The following RBL2 variants were observed in gnomAD, a reference collection of about 807,000 sequenced individuals.
RBL2 encodes retinoblastoma-like protein 2.
In RBL2, 56 loss-of-function variants were observed where a neutral mutation model predicts 126.0. That is an observed-to-expected ratio of 0.44 (90% confidence interval 0.36 to 0.56). The LOEUF (loss-of-function observed/expected upper bound fraction) is 0.56, where lower values mean the gene tolerates loss of function less well. RBL2 is among the 20% of genes least tolerant of loss of function. RBL2 has a pLI of 0.00. For synonymous variants in RBL2, 454 were observed against 478.5 expected, an observed-to-expected ratio of 0.95 and a Z score of 0.67; for missense variants, 1,229 against 1,398.2, an observed-to-expected ratio of 0.88 and a Z score of 1.93.
At chr16:53,448,725 C>G (rs991980398) in intron 4 of RBL2, 3 of 152,508 alleles carry the variant, frequency 2.0e-5, no homozygotes, top group African/African-American at 7.2e-5. Flanking sequence ...CTCAAGTGAT[C>G]TGCCACCTCG....
chr16:53,477,948 G>T (rs1334771672), intron 17 of RBL2, among the ~76,000 whole-genome samples: 2 of 152,094 alleles, frequency 1.3e-5, no homozygotes, highest in Non-Finnish European at 2.9e-5. Context: ...TTGGCTTCTA[G>T]AATTTTGTGT....
Position 53,470,417 on chromosome 16 carries a change from C to T in RBL2, c.2280C>T (p.Phe760=), listed in dbSNP as rs1363302135. Residue 760 remains phenylalanine, a synonymous_variant, in exon 16 of 22, where the codon TTC becomes TTT. Coordinates refer to ENST00000262133, the MANE Select transcript of RBL2 (RefSeq NM_005611.4). Reference sequence around the variant, plus strand: ...ATGAAAATGGAGGGATAACATTCTTCCCTGTCCAAGTCAATGTTGGGGGGC... The same window carrying T: ...ATGAAAATGGAGGGATAACATTCTTTCCTGTCCAAGTCAATGTTGGGGGGC... ...IANENGGITF[F]PVQVNVGGQA... The T allele has an allele frequency of 4.3e-6, 7 of 1,614,094 alleles. No homozygotes were observed. In the Admixed American group the frequency reaches 8.3e-5, roughly 19 times the overall value.
chr16:53,473,813 CTTCTT>C (rs1360196085), intron 17 of RBL2, among the ~76,000 whole-genome samples: 5 of 151,542 alleles, frequency 3.3e-5, no homozygotes, highest in Non-Finnish European at 7.4e-5. Context: ...AGGAAGTTCC[CTTCTT>C]TTCTTAGTTC....
chr16:53,475,460 T>TGC (rs1960691059), intron 17 of RBL2, among the ~76,000 whole-genome samples: 1 of 152,048 alleles, frequency 6.6e-6, no homozygotes, highest in Admixed American at 6.6e-5. Context: ...AAGCGATCCA[T>TGC]CCACCTTGGC....
intron 6 of RBL2, 29 bp from the exon 7 acceptor site, chr16:53,453,676 C>A: frequency 6.2e-7 from 1 of 1,603,388 alleles, no homozygotes; most frequent in Non-Finnish European, 8.5e-7. Context: ...TTTAACATGA[C>A]GACTTAAGGA....
intron 3 of RBL2, among the ~76,000 whole-genome samples, chr16:53,446,430 G>T (rs1172802190): frequency 6.6e-6 from 1 of 152,180 alleles, no homozygotes; most frequent in African/African-American, 2.4e-5. Context: ...GAATAAGGCT[G>T]TTGGGAGGTG....
chr16:53,454,211 G>A (rs1305998333), intron 7 of RBL2: 2 of 453,330 alleles, frequency 4.4e-6, no homozygotes, highest in African/African-American at 4.0e-5. Context: ...TTTTTGTTTT[G>A]TTTTGTTTTT....
chr16:53,484,333 A>C (rs1217595988), intron 21 of RBL2, among the ~76,000 whole-genome samples: 1 of 152,240 alleles, frequency 6.6e-6, no homozygotes, highest in African/African-American at 2.4e-5. Context: ...AAAAGGAGGA[A>C]AAAAGGAACA....
intron 17 of RBL2, among the ~76,000 whole-genome samples, chr16:53,476,860 T>G (rs1313155419): frequency 6.6e-6 from 1 of 152,256 alleles, no homozygotes; most frequent in African/African-American, 2.4e-5. Flanking sequence ...GTATTTGTAT[T>G]TTTTAAATCT....
At chr16:53,439,560 T>C (rs1220520606) in intron 2 of RBL2, among the ~76,000 whole-genome samples, 2 of 152,218 alleles carry the variant, frequency 1.3e-5, no homozygotes, top group African/African-American at 4.8e-5. Context: ...TGTAAGTATT[T>C]CTCAGTTTCC....
At chr16:53,456,767 A>G (rs2058171283) in intron 8 of RBL2, among the ~76,000 whole-genome samples, 1 of 152,202 alleles carries the variant, frequency 6.6e-6, no homozygotes, top group Non-Finnish European at 1.5e-5. Flanking sequence ...CAAGAGACTC[A>G]TGTGGCTTCC....
chr16:53,479,863 C>A, intron 18 of RBL2, 23 bp from the exon 19 acceptor site: 2 of 1,487,270 alleles, frequency 1.3e-6, no homozygotes, highest in Non-Finnish European at 1.9e-6. Flanking sequence ...AGTTTATGTC[C>A]CCTTCTCATT....
intron 3 of RBL2, 48 bp downstream of exon 3, chr16:53,442,906 C>A: frequency 7.5e-7 from 1 of 1,341,898 alleles, no homozygotes; most frequent in Non-Finnish European, 1.0e-6. Flanking sequence ...GTCTGTGCTG[C>A]AGTGTTGATA....
chr16:53,470,768 G>A lies in RBL2; in HGVS notation c.2549G>A (p.Arg850His), dbSNP rs1394382925. The A allele has an allele frequency of 1.2e-6, 2 of 1,614,070 alleles. No homozygotes were observed. The highest frequency in any genetic ancestry group is 1.1e-5 in the South Asian group (1 of 91,066). ...FRKVYHLAAV[R>H]LRDLCAKLDI... ...TAGGTATACCATTTAGCAGCTGTCC[G>A]CCTTCGGGATCTCTGTGCCAAACTA... Residue 850 changes from arginine to histidine, a missense_variant, in exon 17 of 22, where the codon CGC (arginine) becomes CAC (histidine). Physicochemically the swap from Arg to His is conservative, Grantham distance 29 (BLOSUM62 0). Around this residue, in one of 2 missense-constraint regions of RBL2, gnomAD observed 1,070 missense variants for 1,274.3 expected, o/e 0.84. Coordinates refer to ENST00000262133, the MANE Select transcript of RBL2 (RefSeq NM_005611.4).
In RBL2 at chr16:53,434,799, G is replaced by A; in HGVS notation, c.240+3G>A. On this transcript the variant is annotated splice_donor_region_variant and intron_variant, in intron 1 of 21. Coordinates refer to ENST00000262133, the MANE Select transcript of RBL2 (RefSeq NM_005611.4). Reference sequence around the variant, plus strand: ...TGAGCGAAAGCTACACGCTGGAGGTGCGCTCGCGGGCGGAGGGGCGCTTCC... The same window carrying A: ...TGAGCGAAAGCTACACGCTGGAGGTACGCTCGCGGGCGGAGGGGCGCTTCC... 1 of 1,488,578 alleles carries A rather than the reference G, an allele frequency of 6.7e-7. No homozygotes were observed. The highest frequency in any genetic ancestry group is 9.0e-7 in the Non-Finnish European group (1 of 1,117,090). The allele number at this position is 1,488,578 out of a possible 1,614,324, so 92.2% of individuals were successfully genotyped here.
chr16:53,471,589 C>G (rs1043568620), intron 17 of RBL2, among the ~76,000 whole-genome samples: 7 of 152,056 alleles, frequency 4.6e-5, no homozygotes, highest in Non-Finnish European at 1.0e-4. Context: ...CTGTCGTAGC[C>G]TCCCGAGTAG....
chr16:53,487,521 C>G (rs971084001), intron 21 of RBL2: 3 of 152,158 alleles, frequency 2.0e-5, no homozygotes, highest in African/African-American at 7.2e-5. Context: ...TTCCCATACC[C>G]TGCACTATAT....
chr16:53,434,946 T>C, intron 1 of RBL2, 150 bp downstream of exon 1: 4 of 1,246,426 alleles, frequency 3.2e-6, no homozygotes, highest in Non-Finnish European at 4.2e-6. Context: ...ATTCCGAGGC[T>C]CTTAGCCGCT....
chr16:53,451,851 A>G lies in RBL2; in HGVS notation c.766+20A>G. The stretch of plus-strand genomic sequence containing the variant: ...TTAAAGGTAGGTTTGTAAATCAAAG[A>G]TTTTTGGGCAATCTGCGTTTCTGTG... On this transcript the variant is annotated intron_variant, in intron 5 of 21. Coordinates refer to ENST00000262133, the MANE Select transcript of RBL2 (RefSeq NM_005611.4). 2.5e-6 allele frequency: 4 copies of G among 1,611,970 alleles called. No individual in the cohort carries two copies. The highest frequency in any genetic ancestry group is 3.4e-6 in the Non-Finnish European group (4 of 1,178,734).
Sources: allele counts gnomAD v4.1 joint callset (sites outside exome capture counted in the v4.1 genomes callset), GRCh38; gene constraint gnomAD v4.1.1; regional missense constraint gnomAD v4.1.1; transcripts MANE v1.5; gene names NCBI Gene and HGNC (gene_info 2026-07-23, HGNC 2026-07-21).